The following RNF215 variants were observed in gnomAD, a reference collection of about 807,000 sequenced individuals.
RNF215 encodes the protein ring finger protein 215.
RNF215 carries 41 observed loss-of-function variants against 44.8 expected under a neutral mutation model. The ratio of observed to expected loss-of-function variants is 0.92; its 90% CI spans 0.71 to 1.19. The LOEUF is 1.19. Ranked by LOEUF, RNF215 falls within the 50% of genes most tolerant of loss-of-function variation. The pLI is 0.00. For synonymous variants in RNF215, 218 were observed against 230.1 expected (o/e 0.95, Z 0.48); for missense variants, 452 against 496.2 (o/e 0.91, Z 0.85).
Position 30,380,075 on chromosome 22 carries a change from A to T in RNF215, c.995T>A (p.Phe332Tyr). Reference sequence around the variant, plus strand: ...CGGGGCACTAGCCTGTTTGTTGCAGAAGTAGTCCAGGCACACCGCACAGGT... The same window carrying T: ...CGGGGCACTAGCCTGTTTGTTGCAGTAGTAGTCCAGGCACACCGCACAGGT... ...AETCAVCLDY[F>Y]CNKQWLRVLP... Residue 332 changes from phenylalanine to tyrosine, a missense_variant, in exon 7 of 9, where the codon TTC (phenylalanine) becomes TAC (tyrosine). Phe to Tyr is a conservative substitution (Grantham distance 22, BLOSUM62 3). Coordinates refer to ENST00000382363, the MANE Select transcript of RNF215 (RefSeq NM_001017981.2). The surrounding 1 kb of genome is among the most constrained non-coding windows in gnomAD (Gnocchi z 5.3). The T allele has an allele frequency of 6.2e-7, 1 of 1,613,822 alleles. No homozygotes were observed. Among genetic ancestry groups the T allele is most frequent in the Non-Finnish European group, 8.5e-7 (1 of 1,179,900 alleles).
Position 30,379,043 on chromosome 22 carries a change from G to A in RNF215, c.*557C>T, listed in dbSNP as rs1326971191. 6.3e-6 allele frequency: 1 copy of A among 157,654 alleles called. No individual in the cohort carries two copies. The highest frequency in any genetic ancestry group is 1.4e-5 in the Non-Finnish European group (1 of 71,168). The allele number at this position is 157,654 out of a possible 1,614,324, so 9.8% of individuals were successfully genotyped here. A position where few individuals can be genotyped will look rare whatever the true frequency, so the allele number is the denominator to read the frequency against. On this transcript the variant is annotated 3_prime_UTR_variant, in exon 9 of 9. Coordinates refer to ENST00000382363, the MANE Select transcript of RNF215 (RefSeq NM_001017981.2). ...TAGCCAGGCCCAGGAAGGGAGCCAG[G>A]CTGGACAGGCAGTGGGACCCATGGC...
At chr22:30,385,305 C>T (rs1314686938) in intron 4 of RNF215, among the ~76,000 whole-genome samples, 1 of 151,778 alleles carries the variant, frequency 6.6e-6, no homozygotes, top group Non-Finnish European at 1.5e-5. Context: ...ACCTGTAGTC[C>T]CAGCTACTTG....
At position 30,386,728 on chromosome 22, in the gene RNF215, G is replaced by A. The variant is rs1460312655; in HGVS notation, c.317C>T (p.Pro106Leu). Reference sequence around the variant, plus strand: ...TGCCACTGCAATCCAGCCTTCCACTGGTGCCTCCTGCTCGGCATCCACGAT... The same window carrying A: ...TGCCACTGCAATCCAGCCTTCCACTAGTGCCTCCTGCTCGGCATCCACGAT... ...MDIVDAEQEAPVEGWIAVAYV... is the reference protein window; with the variant it reads ...MDIVDAEQEALVEGWIAVAYV... Residue 106 changes from proline (P) to leucine (L), a missense_variant, in exon 2 of 9, where the codon CCA becomes CTA. Coordinates refer to ENST00000382363, the MANE Select transcript of RNF215 (RefSeq NM_001017981.2). 1 of 1,609,276 alleles carries A rather than the reference G, an allele frequency of 6.2e-7. No homozygotes were observed.
rs1472102430 is a variant in RNF215 at position 30,386,658 on chromosome 22, C to T, written c.387G>A (p.Lys129=). 3 of 1,613,216 alleles carry T rather than the reference C, an allele frequency of 1.9e-6. No homozygotes were observed. The highest frequency in any genetic ancestry group is 4.5e-5 in the East Asian group (2 of 44,900). Residue 129 remains lysine, a synonymous_variant, in exon 2 of 9, where the codon AAG becomes AAA. Coordinates refer to ENST00000382363, the MANE Select transcript of RNF215 (RefSeq NM_001017981.2). ...TGGGATAGGCCTGCGGGCCACTGCC[C>T]TTATTCTCCTGGTGGAACTGGGCCG... ...EQAAQFHQEN[K]GSGPQAYPKA...
In RNF215 at chr22:30,379,471, C is replaced by T. The variant is rs1933488664; in HGVS notation, c.*129G>A. On this transcript the variant is annotated 3_prime_UTR_variant, in exon 9 of 9. Coordinates refer to ENST00000382363, the MANE Select transcript of RNF215 (RefSeq NM_001017981.2). ...GGACATGGTGGGGCCCTCATCCTTC[C>T]TCCCACCCACTGGGCTTGCTGTCCT... is the stretch of plus-strand genomic sequence containing the variant. The T allele has an allele frequency of 6.1e-5, 71 of 1,161,752 alleles. 3 individuals carry two copies. The South Asian group carries it at 9.6e-4, about 16-fold the overall frequency. 72.0% of individuals were successfully genotyped at this position (1,161,752 alleles called of 1,614,324 possible). A position where few individuals can be genotyped will look rare whatever the true frequency, so the allele number is the denominator to read the frequency against.
intron 5 of RNF215, among the ~76,000 whole-genome samples, chr22:30,383,740 G>A (rs1056886393): frequency 6.6e-6 from 1 of 152,204 alleles, no homozygotes; most frequent in Non-Finnish European, 1.5e-5. Context: ...TCACATGCAG[G>A]ATGGGCTGTC....
In RNF215 at chr22:30,379,916, C is replaced by T. The variant is rs532143586; in HGVS notation, c.1009-103G>A. The T allele has an allele frequency of 1.1e-3, 1,591 of 1,509,740 alleles. 29 individuals are homozygous for T. The South Asian group carries it at 0.017, about 16-fold the overall frequency. 93.5% of individuals were successfully genotyped at this position (1,509,740 alleles called of 1,614,324 possible). On this transcript the variant is annotated intron_variant, in intron 7 of 8. Coordinates refer to ENST00000382363, the MANE Select transcript of RNF215 (RefSeq NM_001017981.2). ...CCTCAGCTGGGGAACTGAAACCTCACGGCTTCCCCCACCCCCCTGAAATTC... is the reference window on the plus strand; with the variant it reads ...CCTCAGCTGGGGAACTGAAACCTCATGGCTTCCCCCACCCCCCTGAAATTC...
Position 30,379,339 on chromosome 22 carries a change from A to T in RNF215, c.*261T>A, listed in dbSNP as rs1601756312. ...AGCTGCCTGTAAGGAGGGCAGACTC[A>T]CGTCACAGGATTGCAGAGAAGGTCC... On this transcript the variant is annotated 3_prime_UTR_variant, in exon 9 of 9. Coordinates refer to ENST00000382363, the MANE Select transcript of RNF215 (RefSeq NM_001017981.2). 3 of 551,638 alleles carry T rather than the reference A, an allele frequency of 5.4e-6. No individual in the cohort carries two copies. The East Asian group carries it at 9.2e-5, about 17-fold the overall frequency. The allele number at this position is 551,638 out of a possible 1,614,324, so 34.2% of individuals were successfully genotyped here. A position where few individuals can be genotyped will look rare whatever the true frequency, so the allele number is the denominator to read the frequency against.
At chr22:30,385,833 C>T in intron 4 of RNF215, 71 bp downstream of exon 4, 3 of 1,411,210 alleles carry the variant, frequency 2.1e-6, no homozygotes, top group South Asian at 2.3e-5. Context: ...CCCAAGCCCC[C>T]TCAGTCCATG....
At position 30,386,079 on chromosome 22, in the gene RNF215, C is replaced by T. The variant is rs1046680542; in HGVS notation, c.492G>A (p.Val164=). ...GCCTGGTCCGATTTACCTCTCGGAC[C>T]ACGTTGTGGTTCAGGATGAGAAGAA... ...ALLLLILNHN[V]VRELDISQLL... is the part of the protein sequence containing the mutation. Residue 164 remains valine (V), a synonymous_variant, in exon 3 of 9, where the codon GTG becomes GTA. Coordinates refer to ENST00000382363, the MANE Select transcript of RNF215 (RefSeq NM_001017981.2). 1 of 1,612,424 alleles carries T rather than the reference C, an allele frequency of 6.2e-7. No individual in the cohort carries two copies. Among genetic ancestry groups the T allele is most frequent in the Admixed American group, 1.7e-5 (1 of 59,722 alleles).
At chr22:30,381,486 C>T (rs900000346) in intron 5 of RNF215, among the ~76,000 whole-genome samples, 4 of 152,210 alleles carry the variant, frequency 2.6e-5, no homozygotes, top group African/African-American at 9.7e-5. Flanking sequence ...CAACAGCTGG[C>T]TCAGGAGATG....
At chr22:30,382,973 G>A (rs1933548340) in intron 5 of RNF215, among the ~76,000 whole-genome samples, 3 of 152,128 alleles carry the variant, frequency 2.0e-5, no homozygotes, top group South Asian at 4.2e-4. Context: ...ATGGTGGCAC[G>A]TGCCTGTAGT....
In RNF215 at chr22:30,386,252, T is replaced by C. The variant is rs537500385; in HGVS notation, c.430-111A>G. Reference sequence around the variant, plus strand: ...CCTGGCCCTGCAGTGAGCAAAACTCTGGACAGACTGCCATAAGCTCCTTGA... The same window carrying C: ...CCTGGCCCTGCAGTGAGCAAAACTCCGGACAGACTGCCATAAGCTCCTTGA... On this transcript the variant is annotated intron_variant, in intron 2 of 8. Coordinates refer to ENST00000382363, the MANE Select transcript of RNF215 (RefSeq NM_001017981.2). The C allele has an allele frequency of 4.6e-5, 46 of 994,172 alleles. No individual in the cohort carries two copies. The African/African-American group carries it at 6.9e-4, about 15-fold the overall frequency. The allele number at this position is 994,172 out of a possible 1,614,324, so 61.6% of individuals were successfully genotyped here. A position where few individuals can be genotyped will look rare whatever the true frequency, so the allele number is the denominator to read the frequency against.
rs1475315317 is a variant in RNF215, at chr22:30,380,134, C to T, written c.936G>A (p.Arg312=). The change falls in exon 7 of 9, where the codon AGG becomes AGA. Residue 312 remains arginine, a synonymous_variant. Transcript: ENST00000382363. The surrounding 1 kb of genome is among the most constrained non-coding windows in gnomAD (Gnocchi z 5.3). ...SLKTRRCRLS[R]AAQGLPDPGA... ...CCGGATCTGGGAGGCCCTGCGCTGCCCTGCTCAGCCGGCAGCGCCGTGTCT... is the reference window on the plus strand; with the variant it reads ...CCGGATCTGGGAGGCCCTGCGCTGCTCTGCTCAGCCGGCAGCGCCGTGTCT... The T allele has an allele frequency of 1.2e-5, 20 of 1,613,760 alleles. No individual in the cohort carries two copies. The highest frequency in any genetic ancestry group is 4.0e-5 in the African/African-American group (3 of 74,900).
chr22:30,384,733 A>C, intron 4 of RNF215: 2 of 442,936 alleles, frequency 4.5e-6, no homozygotes, highest in East Asian at 3.7e-5. Flanking sequence ...CCACAGAGCC[A>C]CTTCCTTGCT....
chr22:30,385,983 T>C lies in RNF215; in HGVS notation c.508A>G (p.Ile170Val), dbSNP rs1297115409. 2 of 1,614,002 alleles carry C rather than the reference T, an allele frequency of 1.2e-6. No homozygotes were observed. Among genetic ancestry groups the C allele is most frequent in the East Asian group, 2.2e-5 (1 of 44,894 alleles). ...ACTGGCCTGAGCAGAAGCTGGGATA[T>C]GTCCAGCTGCAGGGAGACAAGGAGG... ...LNHNVVRELDISQLLLRPVIV... is the reference protein window; with the variant it reads ...LNHNVVRELDVSQLLLRPVIV... The change falls in exon 4 of 9, where the codon ATA becomes GTA. Residue 170 changes from isoleucine (I) to valine (V), a missense_variant. Physicochemically the swap from Ile to Val is conservative, Grantham distance 29. Coordinates refer to ENST00000382363, the MANE Select transcript of RNF215 (RefSeq NM_001017981.2).
chr22:30,379,360 G>T lies in RNF215; in HGVS notation c.*240C>A. On this transcript the variant is annotated 3_prime_UTR_variant, in exon 9 of 9. Transcript: ENST00000382363. Reference sequence around the variant, plus strand: ...ACTCACGTCACAGGATTGCAGAGAAGGTCCCAAAGTGACCTCTCTTCCTTG... The same window carrying T: ...ACTCACGTCACAGGATTGCAGAGAATGTCCCAAAGTGACCTCTCTTCCTTG... The T allele has an allele frequency of 1.7e-6, 1 of 581,104 alleles. No homozygotes were observed. The highest frequency in any genetic ancestry group is 3.1e-6 in the Non-Finnish European group (1 of 325,824). The allele number at this position is 581,104 out of a possible 1,614,324, so 36.0% of individuals were successfully genotyped here. A position where few individuals can be genotyped will look rare whatever the true frequency, so the allele number is the denominator to read the frequency against.
intron 2 of RNF215, 73 bp from the exon 3 acceptor site, chr22:30,386,214 G>T: frequency 7.3e-7 from 1 of 1,377,280 alleles, no homozygotes; most frequent in Non-Finnish European, 1.0e-6. Context: ...TGCAGCCCTA[G>T]CTGCTCTTAG....
At position 30,386,672 on chromosome 22, in the gene RNF215, G is replaced by T. The variant is rs750512332; in HGVS notation, c.373C>A (p.His125Asn). Reference sequence around the variant, plus strand: ...GGGCCACTGCCCTTATTCTCCTGGTGGAACTGGGCCGCCTGCTCCTTGCCC... The same window carrying T: ...GGGCCACTGCCCTTATTCTCCTGGTTGAACTGGGCCGCCTGCTCCTTGCCC... ...YVGKEQAAQF[H>N]QENKGSGPQA... Residue 125 changes from histidine to asparagine, a missense_variant, in exon 2 of 9, where the codon CAC (histidine) becomes AAC (asparagine). Coordinates refer to ENST00000382363, the MANE Select transcript of RNF215 (RefSeq NM_001017981.2). 2 of 1,613,104 alleles carry T rather than the reference G, an allele frequency of 1.2e-6. No individual in the cohort carries two copies. The highest frequency in any genetic ancestry group is 2.2e-5 in the South Asian group (2 of 91,090).
Sources: allele counts gnomAD v4.1 joint callset (sites outside exome capture counted in the v4.1 genomes callset), GRCh38; gene constraint gnomAD v4.1.1; non-coding constraint Gnocchi (gnomAD v3.1); transcripts MANE v1.5; gene names NCBI Gene and HGNC (gene_info 2026-07-23, HGNC 2026-07-21).